Variants in NOX4 observed in about 807,000 individuals in gnomAD.
The protein encoded by NOX4 is kidney oxidase-1.
A neutral mutation model predicts 87.6 loss-of-function variants in NOX4; 69 were observed. The observed-to-expected ratio is 0.79, with a 90% CI of 0.65 to 0.96. The LOEUF is 0.96. Among genes scored for constraint, NOX4 ranks in the 40% least tolerant of loss-of-function variants. The probability of loss-of-function intolerance (pLI) is 0.00; values close to 1 mark genes in which losing one functional copy is unlikely to be tolerated. For missense variants in NOX4, 680 were observed against 681.5 expected, an observed-to-expected ratio of 1.00 and a Z score of 0.02; for synonymous variants, 275 against 238.2, an observed-to-expected ratio of 1.15 and a Z score of -1.42.
At chr11:89,518,879 T>C in the NOX4 span, among the ~76,000 whole-genome samples, 1,155 of 150,938 alleles carry the variant, frequency 7.7e-3, 16 homozygotes, top group African/African-American at 0.026. Flanking sequence ...ATTTTCCATT[T>C]AAAGATCTAT....
chr11:89,328,298 C>G (rs1414773625), intron 17 of NOX4, among the ~76,000 whole-genome samples: 2 of 152,138 alleles, frequency 1.3e-5, no homozygotes, highest in Non-Finnish European at 2.9e-5. Flanking sequence ...CCAGAGTTTA[C>G]ACAGGACTGC....
intron 2 of NOX4, among the ~76,000 whole-genome samples, chr11:89,486,610 G>GTA (rs369945049): frequency 4.1e-5 from 5 of 120,572 alleles, no homozygotes; most frequent in African/African-American, 2.0e-4. Context: ...ACATATATAT[G>GTA]TGTGTATATA....
intron 13 of NOX4, among the ~76,000 whole-genome samples, chr11:89,344,160 T>A (rs1257224802): frequency 6.6e-6 from 1 of 151,230 alleles, no homozygotes; most frequent in African/African-American, 2.4e-5. Flanking sequence ...TAAAGGTTTG[T>A]AATTTACAAC....
chr11:89,558,782 C>A, the NOX4 span, among the ~76,000 whole-genome samples: 1 of 151,786 alleles, frequency 6.6e-6, no homozygotes, highest in Non-Finnish European at 1.5e-5. Context: ...ATTCTTTTAT[C>A]AGAATAAATT....
the NOX4 span, among the ~76,000 whole-genome samples, chr11:89,581,138 T>C: frequency 6.6e-6 from 1 of 152,184 alleles, no homozygotes; most frequent in Non-Finnish European, 1.5e-5. Context: ...GGGAGAATTC[T>C]TATGGAAATG....
At chr11:89,493,458 G>C (rs890647575), upstream of NOX4, among the ~76,000 whole-genome samples, 2 of 151,744 alleles carry the variant, frequency 1.3e-5, no homozygotes, top group Non-Finnish European at 2.9e-5. Context: ...AATGAAACTG[G>C]GTTTGCTTCC....
the NOX4 span, among the ~76,000 whole-genome samples, chr11:89,540,631 C>CA: frequency 2.8e-4 from 43 of 150,934 alleles, no homozygotes; most frequent in African/African-American, 1.0e-3. Flanking sequence ...ACTAAAAATA[C>CA]AAAAAAATTA....
intron 7 of NOX4, among the ~76,000 whole-genome samples, chr11:89,426,164 AG>A (rs2135283940): frequency 6.6e-6 from 1 of 152,314 alleles, no homozygotes; most frequent in East Asian, 1.9e-4. Flanking sequence ...ATTTCTCCAA[AG>A]TTTTGTATAG....
At chr11:89,448,139 C>T (rs1447719985) in intron 4 of NOX4, among the ~76,000 whole-genome samples, 2 of 152,022 alleles carry the variant, frequency 1.3e-5, no homozygotes, top group Non-Finnish European at 2.9e-5. Flanking sequence ...TAATTCTATC[C>T]TAAAAATTTC....
At chr11:89,567,684 C>T in the NOX4 span, among the ~76,000 whole-genome samples, 1 of 152,184 alleles carries the variant, frequency 6.6e-6, no homozygotes. Context: ...GGGAACCACT[C>T]CCATGATCTA....
At position 89,386,398 on chromosome 11, in the gene NOX4, C is replaced by T. The variant is rs1233238947; in HGVS notation, c.1075-12906G>A. ...TGATATCTCCTGGTTTTACCTCAAA[C>T]TGCCACCCTTAATTCTCTCTTAAAG... is the stretch of plus-strand genomic sequence containing the variant. On this transcript the variant is annotated intron_variant, in intron 11 of 17. Coordinates refer to ENST00000263317, the MANE Select transcript of NOX4 (RefSeq NM_016931.5). Among the ~76,000 whole-genome samples, 3 of 152,184 alleles carry T rather than the reference C, an allele frequency of 2.0e-5. No homozygotes were observed. In the South Asian group the frequency reaches 6.2e-4, roughly 31 times the overall value.
At chr11:89,333,645 T>A (rs1209658043) in intron 17 of NOX4, among the ~76,000 whole-genome samples, 3 of 151,800 alleles carry the variant, frequency 2.0e-5, no homozygotes, top group Non-Finnish European at 4.4e-5. Flanking sequence ...CTTATATGCC[T>A]GTCTTCCCTA....
chr11:89,401,390 G>T (rs1402256060), intron 9 of NOX4, among the ~76,000 whole-genome samples: 1 of 152,002 alleles, frequency 6.6e-6, no homozygotes, highest in African/African-American at 2.4e-5. Flanking sequence ...ACTCAGAAAA[G>T]TTCTGAAAAT....
Position 89,326,866 on chromosome 11 carries a change from C to T in NOX4, c.1627G>A (p.Gly543Ser), listed in dbSNP as rs749711930. The change falls in exon 18 of 18, where the codon GGT becomes AGT. Residue 543 changes from glycine to serine, a missense_variant. By Grantham distance (56) the Gly-to-Ser change is moderately conservative. Coordinates refer to ENST00000263317, the MANE Select transcript of NOX4 (RefSeq NM_016931.5). ...IAKYNRGKTV[G>S]VFCCGPNSLS... ...GAATTGGGTCCACAACAGAAAACACCAACTGTTTTTCTAGAACAAGAGCAG... is the reference window on the plus strand; with the variant it reads ...GAATTGGGTCCACAACAGAAAACACTAACTGTTTTTCTAGAACAAGAGCAG... 6.2e-7 allele frequency: 1 copy of T among 1,612,632 alleles called. No individual in the cohort carries two copies. The highest frequency in any genetic ancestry group is 2.2e-5 in the East Asian group (1 of 44,758).
chr11:89,350,234 AAG>A (rs1215202047), intron 13 of NOX4, among the ~76,000 whole-genome samples: 1 of 152,184 alleles, frequency 6.6e-6, no homozygotes, highest in African/African-American at 2.4e-5. Flanking sequence ...TGTATTTTAG[AAG>A]AGTGTTCCCA....
rs561963422 is a variant in NOX4, at chr11:89,397,065, G to C, written c.1074+2952C>G. Reference sequence around the variant, plus strand: ...TATTCCAAAATTGACCACATAGCTGGAAGTAAAGCACTCCTCAGGAAATGT... The same window carrying C: ...TATTCCAAAATTGACCACATAGCTGCAAGTAAAGCACTCCTCAGGAAATGT... On this transcript the variant is annotated intron_variant, in intron 11 of 17. Transcript: ENST00000263317. Among the ~76,000 whole-genome samples the C allele has an allele frequency of 2.0e-5, 3 of 152,168 alleles. No individual in the cohort carries two copies. In the South Asian group the frequency reaches 6.2e-4, roughly 32 times the overall value.
chr11:89,342,959 C>G (rs917600131), intron 13 of NOX4, among the ~76,000 whole-genome samples: 1 of 152,068 alleles, frequency 6.6e-6, no homozygotes, highest in Non-Finnish European at 1.5e-5. Flanking sequence ...GCAAAAAGTC[C>G]AGCCAAAATA....
At chr11:89,572,031 T>C in the NOX4 span, among the ~76,000 whole-genome samples, 2 of 152,174 alleles carry the variant, frequency 1.3e-5, no homozygotes, top group Admixed American at 6.5e-5. Context: ...ATACAGTCTT[T>C]TGCCTCCGCC....
At chr11:89,336,092 A>C (rs191226112) in intron 16 of NOX4, 147 bp from the exon 17 acceptor site, 1 of 434,826 alleles carries the variant, frequency 2.3e-6, no homozygotes, top group Non-Finnish European at 4.2e-6. Flanking sequence ...ACGTACAATT[A>C]TTTCAAAATA....
Sources: gnomAD v4.1 joint callset for allele counts (sites outside exome capture counted in the v4.1 genomes callset) on GRCh38, gnomAD v4.1.1 for gene constraint, MANE v1.5 for transcripts, NCBI Gene and HGNC (gene_info 2026-07-23, HGNC 2026-07-21) for gene names.